RPUSD3: variants seen among roughly 807,000 people sequenced by gnomAD.
The protein encoded by RPUSD3 is mitochondrial mRNA pseudouridine synthase RPUSD3.
A neutral mutation model predicts 35.1 loss-of-function variants in RPUSD3; 36 were observed. The ratio of observed to expected loss-of-function variants is 1.02; its 90% CI spans 0.79 to 1.35. The LOEUF is 1.35. RPUSD3 is among the 40% of genes most tolerant of loss of function. The probability of loss-of-function intolerance (pLI) is 0.00; values close to 1 mark genes in which losing one functional copy is unlikely to be tolerated. For synonymous variants in RPUSD3, 202 were observed against 187.8 expected (o/e 1.08, Z -0.62); for missense variants, 486 against 441.9 (o/e 1.10, Z -0.89).
At chr3:9,837,900 C>T (rs1336964838) in exon 9 of RPUSD3, 3 of 1,136,422 alleles carry the variant, frequency 2.6e-6, no homozygotes, top group Non-Finnish European at 3.7e-6. Context: ...GTTACTTGCC[C>T]AATGCCACAC....
At chr3:9,840,708 C>A in exon 5 of RPUSD3, 2 of 1,614,150 alleles carry the variant, frequency 1.2e-6, no homozygotes, top group Non-Finnish European at 1.7e-6. Flanking sequence ...CAGTAGGTGG[C>A]TGTGGGCCTT....
chr3:9,838,169 G>A, exon 9 of RPUSD3: 1 of 1,612,148 alleles, frequency 6.2e-7, no homozygotes, highest in South Asian at 1.1e-5. Context: ...CCTGGGAGGG[G>A]GTCAGGTGGA....
rs753746703 is a variant in RPUSD3 at position 9,843,987 on chromosome 3, C to A, written c.28G>T (p.Asp10Tyr). Reference sequence around the variant, plus strand: ...AACCGGCCCAAAACACGGCGGCCGTCCATCTCCCGAGCCAGGACAGCGCGC... The same window carrying A: ...AACCGGCCCAAAACACGGCGGCCGTACATCTCCCGAGCCAGGACAGCGCGC... The change falls in exon 1 of 9, where the codon GAC (aspartate) becomes TAC (tyrosine). Residue 10 changes from aspartate (D) to tyrosine (Y), a missense_variant. Transcript: ENST00000383820. 1.6e-5 allele frequency: 26 copies of A among 1,598,412 alleles called. 1 individual carries two copies. The South Asian group carries it at 2.6e-4, about 16-fold the overall frequency.
At chr3:9,839,109 T>C (rs766703354) in exon 8 of RPUSD3, 2 of 1,614,064 alleles carry the variant, frequency 1.2e-6, no homozygotes, top group African/African-American at 2.7e-5. Flanking sequence ...GCAGAGTACA[T>C]GTGGTCCCCA....
intron 6 of RPUSD3, 43 bp downstream of exon 6, chr3:9,840,489 C>T (rs112584192): frequency 6.2e-7 from 1 of 1,601,708 alleles, no homozygotes; most frequent in South Asian, 1.1e-5. Flanking sequence ...TGTAGGGGTA[C>T]TATATCTAGA....
chr3:9,843,345 G>A (rs751787064), intron 2 of RPUSD3, 120 bp downstream of exon 2: 1 of 1,458,746 alleles, frequency 6.9e-7, no homozygotes, highest in Non-Finnish European at 9.3e-7. Context: ...GCTTGTCCCA[G>A]CTCATGCTGC....
At position 9,840,317 on chromosome 3, in the gene RPUSD3, C is replaced by T; in HGVS notation, c.601-10G>A. 6.2e-7 allele frequency: 1 copy of T among 1,614,144 alleles called. No individual in the cohort carries two copies. The highest frequency in any genetic ancestry group is 8.5e-7 in the Non-Finnish European group (1 of 1,180,030). On this transcript the variant is annotated splice_polypyrimidine_tract_variant and intron_variant, in intron 6 of 8. Transcript: ENST00000383820. ...CCTTCACTGGAACTGTCTGTGGTGCCAGCCAAGAGTGAACAAGCCTTACAC... is the reference window on the plus strand; with the variant it reads ...CCTTCACTGGAACTGTCTGTGGTGCTAGCCAAGAGTGAACAAGCCTTACAC...
At chr3:9,843,376 G>A (rs990462940) in intron 2 of RPUSD3, 89 bp downstream of exon 2, 1 of 1,568,290 alleles carries the variant, frequency 6.4e-7, no homozygotes, top group African/African-American at 1.3e-5. Flanking sequence ...CAGAAGCAGG[G>A]CTGATCCCGT....
chr3:9,837,954 G>C, exon 9 of RPUSD3: 1 of 1,478,442 alleles, frequency 6.8e-7, no homozygotes, highest in African/African-American at 1.4e-5. Flanking sequence ...AGGTTTGTCT[G>C]ACTGCAGAGC....
At chr3:9,841,846 T>G (rs910740305) in intron 4 of RPUSD3, 137 bp downstream of exon 4, 1 of 738,606 alleles carries the variant, frequency 1.4e-6, no homozygotes. Flanking sequence ...CGGCTTCCTC[T>G]TCTTCACAGT....
chr3:9,839,047 G>A (rs1247708277), exon 8 of RPUSD3: 2 of 1,613,922 alleles, frequency 1.2e-6, no homozygotes, highest in Non-Finnish European at 8.5e-7. Flanking sequence ...TTTGGGGCTT[G>A]TTGTTCTCAG....
chr3:9,839,020 G>A lies in RPUSD3; in HGVS notation c.864+12C>T, dbSNP rs577122472. ...ACCCCTCAGAAAGCAGCAGGCAGGT[G>A]GGCTGGAGTACCTGTCTTTGGGGCT... On this transcript the variant is annotated intron_variant, in intron 8 of 8. Coordinates refer to ENST00000383820, the Ensembl canonical transcript of RPUSD3. The A allele has an allele frequency of 1.9e-6, 3 of 1,614,052 alleles. No individual in the cohort carries two copies. The highest frequency in any genetic ancestry group is 2.5e-6 in the Non-Finnish European group (3 of 1,179,942).
In RPUSD3 at chr3:9,842,061, A is replaced by G. The variant is rs1030360473; in HGVS notation, c.329T>C (p.Leu110Ser). The change falls in exon 4 of 9, where the codon TTG becomes TCG. Residue 110 changes from leucine (L) to serine (S), a missense_variant. Physicochemically the swap from Leu to Ser is moderately radical, Grantham distance 145. Coordinates refer to ENST00000383820, the Ensembl canonical transcript of RPUSD3. Reference sequence around the variant, plus strand: ...GCTCAGCTCTGGCAGCACTGAGAACAACGTCAGCTCTCCTGGTTTTCCTGG... The same window carrying G: ...GCTCAGCTCTGGCAGCACTGAGAACGACGTCAGCTCTCCTGGTTTTCCTGG... 9 of 1,610,964 alleles carry G rather than the reference A, an allele frequency of 5.6e-6. No homozygotes were observed. In the Admixed American group the frequency reaches 1.3e-4, roughly 24 times the overall value.
At chr3:9,838,039 A>G in exon 9 of RPUSD3, 1 of 1,586,654 alleles carries the variant, frequency 6.3e-7, no homozygotes, top group Non-Finnish European at 8.6e-7. Flanking sequence ...AGCCCCAGGC[A>G]CTGTAGGGTC....
chr3:9,840,888 C>T (rs1425801345), intron 4 of RPUSD3, 83 bp from the exon 5 acceptor site: 4 of 963,772 alleles, frequency 4.2e-6, no homozygotes, highest in Non-Finnish European at 6.2e-6. Context: ...CACTGACCTG[C>T]TTCAGGCCAA....
intron 8 of RPUSD3, 52 bp downstream of exon 8, chr3:9,838,980 C>T: frequency 6.2e-7 from 1 of 1,612,494 alleles, no homozygotes; most frequent in East Asian, 2.2e-5. Flanking sequence ...GCTGCCCATG[C>T]TCACCTCTCC....
chr3:9,838,695 G>A (rs2082059849), intron 8 of RPUSD3, among the ~76,000 whole-genome samples: 1 of 152,202 alleles, frequency 6.6e-6, no homozygotes, highest in African/African-American at 2.4e-5. Context: ...CTGGTAGTCT[G>A]GGCTTAGTGT....
At chr3:9,842,537 C>G (rs2082119074) in intron 2 of RPUSD3, 1 of 501,350 alleles carries the variant, frequency 2.0e-6, no homozygotes, top group East Asian at 3.4e-5. Flanking sequence ...CTGCCTTCCT[C>G]CTGCAGTTCC....
exon 6 of RPUSD3, chr3:9,840,559 T>C (rs1347378799): frequency 2.5e-6 from 4 of 1,613,996 alleles, no homozygotes; most frequent in Non-Finnish European, 3.4e-6. Flanking sequence ...TGTGTTCCAG[T>C]TTCAGGGCAG....
Sources: allele counts gnomAD v4.1 joint callset (sites outside exome capture counted in the v4.1 genomes callset), GRCh38; gene constraint gnomAD v4.1.1; transcripts MANE v1.5; gene names NCBI Gene and HGNC (gene_info 2026-07-23, HGNC 2026-07-21).